Variants in MCTP2 observed in about 807,000 individuals in gnomAD.
MCTP2 encodes the protein multiple C2 and transmembrane domain-containing protein 2.
In MCTP2, 132 loss-of-function variants were observed where a neutral mutation model predicts 111.6. That is an observed-to-expected ratio of 1.18 (90% CI 1.03 to 1.37). MCTP2 has a LOEUF of 1.37. Among genes scored for constraint, MCTP2 ranks in the 40% most tolerant of loss-of-function variants. The pLI, the probability that MCTP2 is intolerant of heterozygous loss-of-function variation, is 0.00. For missense variants in MCTP2, 1,183 were observed against 1,067.9 expected (o/e 1.11, Z -1.50); for synonymous variants, 395 against 387.7 (o/e 1.02, Z -0.22).
At chr15:94,475,334 G>A (rs1015740147) in intron 21 of MCTP2, among the ~76,000 whole-genome samples, 1 of 152,132 alleles carries the variant, frequency 6.6e-6, no homozygotes, top group Admixed American at 6.5e-5. Flanking sequence ...CCATTTACTC[G>A]GGCACAATGG....
chr15:94,245,411 T>C (rs1227791472), intron 1 of MCTP2, among the ~76,000 whole-genome samples: 20 of 137,610 alleles, frequency 1.5e-4, no homozygotes, highest in Non-Finnish European at 1.6e-5. Context: ...TGTATATATT[T>C]ATATACATGT....
Position 94,440,126 on chromosome 15 carries a change from C to G in MCTP2, c.2086-50C>G, listed in dbSNP as rs2083692090. The stretch of plus-strand genomic sequence containing the variant: ...TCAATGAGTAGGAATTTGATTGCTC[C>G]CCTAGTGTTTTATCAAGCAGTCGTG... On this transcript the variant is annotated intron_variant, in intron 17 of 22. Coordinates refer to ENST00000357742, the MANE Select transcript of MCTP2 (RefSeq NM_001385001.1). The G allele has an allele frequency of 1.9e-6, 3 of 1,601,164 alleles. No individual in the cohort carries two copies. In the South Asian group the frequency reaches 3.4e-5, roughly 18 times the overall value.
chr15:94,339,027 C>A (rs764432296), intron 4 of MCTP2, among the ~76,000 whole-genome samples: 1 of 151,950 alleles, frequency 6.6e-6, no homozygotes, highest in African/African-American at 2.4e-5. Context: ...TGAATTTTTG[C>A]GAGTAGTATA....
At chr15:94,346,492 C>T (rs889325367) in intron 8 of MCTP2, among the ~76,000 whole-genome samples, 2 of 152,162 alleles carry the variant, frequency 1.3e-5, no homozygotes, top group Non-Finnish European at 2.9e-5. Context: ...GCCCAGCTCT[C>T]ACTCTCCCAT....
chr15:94,376,457 T>G (rs1459366064), intron 12 of MCTP2, among the ~76,000 whole-genome samples: 1 of 152,220 alleles, frequency 6.6e-6, no homozygotes, highest in East Asian at 1.9e-4. Flanking sequence ...TTAATCTCAG[T>G]TCTCCCACAT....
At chr15:94,284,716 A>G (rs977520391) in intron 1 of MCTP2, among the ~76,000 whole-genome samples, 2 of 152,218 alleles carry the variant, frequency 1.3e-5, no homozygotes, top group Non-Finnish European at 1.5e-5. Flanking sequence ...AGAGATGTTC[A>G]TAGGCAGTGT....
intron 4 of MCTP2, 73 bp downstream of exon 4, chr15:94,315,710 A>G: frequency 9.0e-7 from 1 of 1,105,322 alleles, no homozygotes; most frequent in Non-Finnish European, 1.4e-6. Context: ...CAATATTGTC[A>G]GTCAGGCTTT....
At chr15:94,434,639 A>G (rs1349770317) in intron 17 of MCTP2, among the ~76,000 whole-genome samples, 3 of 152,018 alleles carry the variant, frequency 2.0e-5, no homozygotes, top group African/African-American at 4.8e-5. Flanking sequence ...TTTCGATTGA[A>G]TTACATTGGC....
At chr15:94,322,657 A>T (rs988804833) in intron 4 of MCTP2, among the ~76,000 whole-genome samples, 2 of 152,262 alleles carry the variant, frequency 1.3e-5, no homozygotes, top group African/African-American at 4.8e-5. Flanking sequence ...CTTTAAAAAC[A>T]TCTACAACAA....
chr15:94,340,235 G>T lies in MCTP2; in HGVS notation c.817G>T (p.Gly273Cys). Reference sequence around the variant, plus strand: ...AGATTTAACCACATCTGATTTCATGGGTTCTGCATTTGTCATTCTCAGTGA... The same window carrying T: ...AGATTTAACCACATCTGATTTCATGTGTTCTGCATTTGTCATTCTCAGTGA... Reference protein sequence around the residue: ...DRDLTTSDFMGSAFVILSDLE... With the variant: ...DRDLTTSDFMCSAFVILSDLE... The change falls in exon 6 of 23, where the codon GGT becomes TGT. Residue 273 changes from glycine to cysteine, a missense_variant. By Grantham distance (159) the Gly-to-Cys change is radical. Transcript: ENST00000357742. 1 of 1,613,062 alleles carries T rather than the reference G, an allele frequency of 6.2e-7. No homozygotes were observed. Among genetic ancestry groups the T allele is most frequent in the Non-Finnish European group, 8.5e-7 (1 of 1,179,358 alleles).
At chr15:94,464,780 A>G (rs186529658) in intron 20 of MCTP2, among the ~76,000 whole-genome samples, 139 of 152,114 alleles carry the variant, frequency 9.1e-4, no homozygotes, top group African/African-American at 3.2e-3. Flanking sequence ...TGGCTAAGAT[A>G]TGTATTGCTA....
intron 17 of MCTP2, among the ~76,000 whole-genome samples, chr15:94,439,803 C>T (rs2083673936): frequency 6.6e-6 from 1 of 152,176 alleles, no homozygotes; most frequent in African/African-American, 2.4e-5. Context: ...TGGCAGCCAA[C>T]TGAAAAAGTA....
At chr15:94,313,895 G>A (rs2076261489) in intron 2 of MCTP2, among the ~76,000 whole-genome samples, 1 of 152,192 alleles carries the variant, frequency 6.6e-6, no homozygotes, top group Non-Finnish European at 1.5e-5. Flanking sequence ...TCGATTCTCT[G>A]GATCCTGAGC....
At chr15:94,399,782 G>A (rs941794697) in intron 15 of MCTP2, 139 bp from the exon 16 acceptor site, 1 of 705,018 alleles carries the variant, frequency 1.4e-6, no homozygotes, top group Middle Eastern at 2.5e-4. Flanking sequence ...GGGCACAGGG[G>A]TGTCCACCAT....
At chr15:94,394,710 A>G (rs1333574725) in intron 14 of MCTP2, among the ~76,000 whole-genome samples, 1 of 152,142 alleles carries the variant, frequency 6.6e-6, no homozygotes, top group Non-Finnish European at 1.5e-5. Flanking sequence ...GGTTGCAGTG[A>G]ACCAAGATCA....
chr15:94,241,008 T>A (rs549520006), intron 1 of MCTP2, among the ~76,000 whole-genome samples: 1 of 152,194 alleles, frequency 6.6e-6, no homozygotes. Flanking sequence ...TCAAATAAGA[T>A]CTTTTCAAGA....
chr15:94,426,169 AG>A (rs2082882310), intron 17 of MCTP2, among the ~76,000 whole-genome samples: 2 of 151,398 alleles, frequency 1.3e-5, no homozygotes, highest in East Asian at 1.9e-4. Context: ...AGAGAGAGAG[AG>A]AGAATGTGTG....
At chr15:94,461,904 CAA>C (rs2085236684) in intron 20 of MCTP2, among the ~76,000 whole-genome samples, 1 of 152,150 alleles carries the variant, frequency 6.6e-6, no homozygotes, top group African/African-American at 2.4e-5. Context: ...GTGTTTAAAT[CAA>C]GAGTGACATG....
rs557989149 is a variant in MCTP2 at position 94,325,812 on chromosome 15, A to ATTTTTTTTTTTTTTTTTTTTTTTT, written c.637+10178_637+10201dup. On this transcript the variant is annotated intron_variant, in intron 4 of 22. Coordinates refer to ENST00000357742, the MANE Select transcript of MCTP2 (RefSeq NM_001385001.1). Reference sequence around the variant, plus strand: ...GAACCTACTCTACTCCATCGCTCCGATTTTTTTTTTTTTTTTTTTTTTTTT... The same window carrying ATTTTTTTTTTTTTTTTTTTTTTTT: ...GAACCTACTCTACTCCATCGCTCCGATTTTTTTTTTTTTTTTTTTTTTTTTTTTTTTTTTTTTTTTTTTTTTTTT... Among the ~76,000 whole-genome samples, 27 of 91,872 alleles carry ATTTTTTTTTTTTTTTTTTTTTTTT rather than the reference A, an allele frequency of 2.9e-4. 4 individuals carry two copies. Among genetic ancestry groups the ATTTTTTTTTTTTTTTTTTTTTTTT allele is most frequent in the Non-Finnish European group, 4.9e-4 (23 of 46,620 alleles). The allele number at this position is 91,872 out of a possible 152,430, so 60.3% of individuals were successfully genotyped here. A position where few individuals can be genotyped will look rare whatever the true frequency, so the allele number is the denominator to read the frequency against.
Sources: gnomAD v4.1 joint callset for allele counts (sites outside exome capture counted in the v4.1 genomes callset) on GRCh38, gnomAD v4.1.1 for gene constraint, MANE v1.5 for transcripts, NCBI Gene and HGNC (gene_info 2026-07-23, HGNC 2026-07-21) for gene names.